The following ERAP1 variants were observed in gnomAD, a reference collection of about 807,000 sequenced individuals.
ERAP1 encodes adipocyte-derived leucine aminopeptidase.
Under a neutral mutation model 103.7 loss-of-function variants are expected in ERAP1, and 86 were observed. The ratio of observed to expected loss-of-function variants is 0.83; its 90% CI spans 0.70 to 0.99. The LOEUF (loss-of-function observed/expected upper bound fraction) is 0.99. ERAP1 is among the 50% of genes least tolerant of loss of function. The pLI, the probability that ERAP1 is intolerant of heterozygous loss-of-function variation, is 0.00. For synonymous variants in ERAP1, 398 were observed against 402.4 expected, an observed-to-expected ratio of 0.99 and a Z score of 0.13; for missense variants, 1,009 against 1,128.4, an observed-to-expected ratio of 0.89 and a Z score of 1.52.
chr5:96,765,996 A>G, intron 19 of ERAP1: 1 of 975,098 alleles, frequency 1.0e-6, no homozygotes, highest in Non-Finnish European at 1.6e-6. Context: ...TTGACAATGT[A>G]TTTTCTAAGT....
chr5:96,781,348 A>T (rs770708253), intron 16 of ERAP1, 150 bp from the exon 17 acceptor site: 14 of 765,244 alleles, frequency 1.8e-5, no homozygotes, highest in Non-Finnish European at 3.0e-5. Flanking sequence ...TGATAAACCC[A>T]CTATAGCTAC....
At chr5:96,786,325 G>A in intron 12 of ERAP1, 145 bp downstream of exon 12, 1 of 661,762 alleles carries the variant, frequency 1.5e-6, no homozygotes, top group South Asian at 1.8e-5. Context: ...GCAAGATATT[G>A]GCCATTCTTC....
At chr5:96,928,447 A>G in the ERAP1 span, among the ~76,000 whole-genome samples, 7 of 152,170 alleles carry the variant, frequency 4.6e-5, no homozygotes, top group Non-Finnish European at 7.3e-5. Flanking sequence ...TAAAAGAGGA[A>G]GTTTGGACAC....
intron 19 of ERAP1, chr5:96,765,409 A>G: frequency 1.4e-6 from 1 of 693,524 alleles, no homozygotes; most frequent in African/African-American, 1.8e-5. Flanking sequence ...TGTCATAGGA[A>G]TATTGATGTG....
chr5:96,781,551 C>T, intron 16 of ERAP1, 142 bp downstream of exon 16: 2 of 1,079,742 alleles, frequency 1.9e-6, no homozygotes, highest in Non-Finnish European at 2.8e-6. Context: ...ATTTGCCTTT[C>T]TCATTAGATG....
At chr5:96,878,592 G>A in the ERAP1 span, among the ~76,000 whole-genome samples, 1 of 152,048 alleles carries the variant, frequency 6.6e-6, no homozygotes, top group African/African-American at 2.4e-5. Context: ...CCAGGAATTT[G>A]AGGCCAGCCT....
At chr5:96,786,064 G>A (rs1775949869) in intron 12 of ERAP1, 93 bp from the exon 13 acceptor site, 1 of 1,207,134 alleles carries the variant, frequency 8.3e-7, no homozygotes, top group Non-Finnish European at 1.2e-6. Context: ...TTAGAGAAGA[G>A]TTTAATACTG....
chr5:96,762,024 TAA>T (rs1768138352), exon 20 of ERAP1: 1 of 304,226 alleles, frequency 3.3e-6, no homozygotes, highest in Admixed American at 4.8e-5. Context: ...CGTGGAACTC[TAA>T]GTTATATTAT....
At chr5:96,933,405 T>A in the ERAP1 span, among the ~76,000 whole-genome samples, 1 of 152,072 alleles carries the variant, frequency 6.6e-6, no homozygotes, top group Admixed American at 6.6e-5. Context: ...GCTAATTTTA[T>A]TTTTTGTATT....
chr5:96,801,267 G>A (rs2150991517), intron 2 of ERAP1, among the ~76,000 whole-genome samples: 1 of 152,122 alleles, frequency 6.6e-6, no homozygotes, highest in South Asian at 2.1e-4. Flanking sequence ...AGACCTACCT[G>A]GGCAACATGG....
chr5:96,896,368 T>C, the ERAP1 span: 1 of 1,606,436 alleles, frequency 6.2e-7, no homozygotes, highest in Non-Finnish European at 8.5e-7. Context: ...TTTCTCCCTG[T>C]TTAGGATGAC....
the ERAP1 span, among the ~76,000 whole-genome samples, chr5:96,822,675 A>G: frequency 7.2e-6 from 1 of 139,216 alleles, no homozygotes; most frequent in Non-Finnish European, 1.5e-5. Context: ...TAGGAGTTTG[A>G]GATCAGCCTT....
At chr5:96,897,403 T>A in the ERAP1 span, among the ~76,000 whole-genome samples, 1 of 152,238 alleles carries the variant, frequency 6.6e-6, no homozygotes, top group Non-Finnish European at 1.5e-5. Flanking sequence ...CCTTACAGAC[T>A]GTTCCAGCCC....
the ERAP1 span, among the ~76,000 whole-genome samples, chr5:96,915,311 T>C: frequency 6.6e-6 from 1 of 152,166 alleles, no homozygotes; most frequent in Non-Finnish European, 1.5e-5. Context: ...GCCCAGCCCA[T>C]ATAATTTATA....
intron 18 of ERAP1, chr5:96,779,214 T>C (rs1050004596): frequency 2.0e-5 from 3 of 152,270 alleles, no homozygotes; most frequent in African/African-American, 2.4e-5. Context: ...AGGTTTTGTC[T>C]GTCTGTTCAC....
intron 10 of ERAP1, among the ~76,000 whole-genome samples, chr5:96,789,556 G>A (rs10515249): frequency 0.092 from 13,946 of 152,072 alleles, 850 homozygotes; most frequent in Middle Eastern, 0.16. Context: ...GAATAAAGCA[G>A]TCTCTAGGAA....
At chr5:96,900,700 A>G in the ERAP1 span, among the ~76,000 whole-genome samples, 1 of 152,108 alleles carries the variant, frequency 6.6e-6, no homozygotes, top group Non-Finnish European at 1.5e-5. Flanking sequence ...TATTTTAGAC[A>G]AAGTCTCACT....
chr5:96,796,588 A>G (rs186824538), intron 4 of ERAP1, among the ~76,000 whole-genome samples: 2 of 152,320 alleles, frequency 1.3e-5, no homozygotes, highest in East Asian at 3.9e-4. Context: ...TTCAGAGGGA[A>G]TAGGGCCAAG....
intron 13 of ERAP1, 139 bp downstream of exon 13, chr5:96,785,649 G>T: frequency 3.5e-6 from 3 of 849,474 alleles, no homozygotes; most frequent in Non-Finnish European, 5.6e-6. Context: ...AAGCAATCTT[G>T]GGTTGTTAGA....
Sources: gnomAD v4.1 joint callset for allele counts (sites outside exome capture counted in the v4.1 genomes callset) on GRCh38, gnomAD v4.1.1 for gene constraint, MANE v1.5 for transcripts, NCBI Gene and HGNC (gene_info 2026-07-23, HGNC 2026-07-21) for gene names.